Variants in PLAG1 observed in about 807,000 individuals in gnomAD.
PLAG1 encodes PLAG1 zinc finger.
PLAG1 carries 7 observed loss-of-function variants against 35.5 expected under a neutral mutation model. That is an observed-to-expected ratio of 0.20 (90% CI 0.11 to 0.37). The LOEUF (loss-of-function observed/expected upper bound fraction) is 0.37. Ranked by LOEUF, PLAG1 falls within the 10% of genes least tolerant of loss-of-function variation. The pLI is 1.00. For missense variants in PLAG1, 454 were observed against 602.8 expected (o/e 0.75, Z 2.58); for synonymous variants, 229 against 225.4 (o/e 1.02, Z -0.14).
intron 1 of PLAG1, among the ~76,000 whole-genome samples, chr8:56,192,983 T>C (rs1268122920): frequency 6.6e-6 from 1 of 152,172 alleles, no homozygotes; most frequent in Non-Finnish European, 1.5e-5. Context: ...CAAAAAAGAC[T>C]TTAAGAAATA....
In PLAG1 at chr8:56,163,801, T is replaced by A; in HGVS notation, c.*2442A>T. The stretch of plus-strand genomic sequence containing the variant: ...TAAATTAGCAGTGAATACAGCCTAC[T>A]AAGGCCAATGTCTCAGTTCACTAAT... On this transcript the variant is annotated 3_prime_UTR_variant, in exon 5 of 5. Transcript: ENST00000316981. 5.3e-6 allele frequency: 1 copy of A among 190,314 alleles called. No individual in the cohort carries two copies. 11.8% of individuals were successfully genotyped at this position (190,314 alleles called of 1,614,324 possible).
Position 56,164,260 on chromosome 8 carries a change from A to C in PLAG1, c.*1983T>G, listed in dbSNP as rs1811288755. The C allele has an allele frequency of 4.7e-6, 1 of 211,510 alleles. No homozygotes were observed. Among genetic ancestry groups the C allele is most frequent in the Non-Finnish European group, 9.6e-6 (1 of 104,118 alleles). 13.1% of individuals were successfully genotyped at this position (211,510 alleles called of 1,614,324 possible). ...AAAAAATATAGGAGCATGATAAAAT[A>C]TCAGGAGCCAAAGCTCCTTCAGAGA... On this transcript the variant is annotated 3_prime_UTR_variant, in exon 5 of 5. Coordinates refer to ENST00000316981, the MANE Select transcript of PLAG1 (RefSeq NM_002655.3).
At chr8:56,210,889 G>T (rs1006640202) in intron 1 of PLAG1, among the ~76,000 whole-genome samples, 1 of 150,912 alleles carries the variant, frequency 6.6e-6, no homozygotes, top group Non-Finnish European at 1.5e-5. Flanking sequence ...CCCCTGCCCT[G>T]TCAGAAGCGA....
At chr8:56,184,638 G>A (rs1338773970) in intron 1 of PLAG1, among the ~76,000 whole-genome samples, 1 of 152,198 alleles carries the variant, frequency 6.6e-6, no homozygotes, top group South Asian at 2.1e-4. Context: ...GGTAGCTCAT[G>A]TCTGTAATCC....
At chr8:56,201,804 ATAGG>A (rs1378163891) in intron 1 of PLAG1, among the ~76,000 whole-genome samples, 1 of 152,222 alleles carries the variant, frequency 6.6e-6, no homozygotes, top group Non-Finnish European at 1.5e-5. Context: ...GCAAAGACTG[ATAGG>A]TAGCCAAAGT....
chr8:56,179,388 A>G, intron 2 of PLAG1, 21 bp downstream of exon 2: 1 of 318,860 alleles, frequency 3.1e-6, no homozygotes, highest in Non-Finnish European at 4.5e-6. Flanking sequence ...GTCATGCCAT[A>G]TAATGATAAA....
At chr8:56,192,568 G>A (rs1304465825) in intron 1 of PLAG1, among the ~76,000 whole-genome samples, 1 of 152,170 alleles carries the variant, frequency 6.6e-6, no homozygotes, top group Non-Finnish European at 1.5e-5. Flanking sequence ...TAGTTTTATA[G>A]AAGAACATTC....
At chr8:56,173,399 G>GA (rs1361529024) in intron 2 of PLAG1, among the ~76,000 whole-genome samples, 3 of 151,982 alleles carry the variant, frequency 2.0e-5, no homozygotes, top group Admixed American at 2.0e-4. Context: ...GGACTGGTTA[G>GA]AAATTATTCT....
chr8:56,193,847 T>C (rs1396443082), intron 1 of PLAG1, among the ~76,000 whole-genome samples: 4 of 151,940 alleles, frequency 2.6e-5, no homozygotes, highest in Non-Finnish European at 5.9e-5. Flanking sequence ...TGCTATTCGG[T>C]AGCAGGTACT....
intron 2 of PLAG1, chr8:56,177,921 G>T: frequency 3.1e-6 from 1 of 323,930 alleles, no homozygotes; most frequent in Non-Finnish European, 4.4e-6. Context: ...GGCGTCACCT[G>T]CTTCGGCAGA....
chr8:56,195,562 G>GGGT (rs1241422387), intron 1 of PLAG1, among the ~76,000 whole-genome samples: 1 of 152,226 alleles, frequency 6.6e-6, no homozygotes, highest in Non-Finnish European at 1.5e-5. Context: ...GGCTGGGGTA[G>GGGT]GGTGGTGGTG....
chr8:56,188,085 G>GA (rs1812075225), intron 1 of PLAG1, among the ~76,000 whole-genome samples: 1 of 152,096 alleles, frequency 6.6e-6, no homozygotes, highest in African/African-American at 2.4e-5. Flanking sequence ...CTACATGTCA[G>GA]AAAAAAATCT....
At chr8:56,178,715 CGTCCTAGGGCTGGGG>C (rs1475196960) in intron 2 of PLAG1, among the ~76,000 whole-genome samples, 1 of 151,970 alleles carries the variant, frequency 6.6e-6, no homozygotes, top group Admixed American at 6.6e-5. Context: ...CCAGTCTCCC[CGTCCTAGGGCTGGGG>C]GTCCTGGCCT....
In PLAG1 at chr8:56,166,442, A is replaced by G. The variant is rs1267385691; in HGVS notation, c.1304T>C (p.Leu435Pro). The G allele has an allele frequency of 1.2e-6, 2 of 1,612,800 alleles. No homozygotes were observed. Among genetic ancestry groups the G allele is most frequent in the African/African-American group, 2.7e-5 (2 of 74,870 alleles). The change falls in exon 5 of 5, where the codon CTA becomes CCA. Residue 435 changes from leucine to proline, a missense_variant. Coordinates refer to ENST00000316981, the MANE Select transcript of PLAG1 (RefSeq NM_002655.3). The stretch of plus-strand genomic sequence containing the variant: ...GCTCATTCCAAGGCTCCCCACTGAT[A>G]GAGGATTATAGGGAGGACCATTTAA... ...IPLNGPPYNPLSVGSLGMSYS... is the reference protein window; with the variant it reads ...IPLNGPPYNPPSVGSLGMSYS...
At chr8:56,201,446 A>G (rs1812551200) in intron 1 of PLAG1, among the ~76,000 whole-genome samples, 1 of 152,206 alleles carries the variant, frequency 6.6e-6, no homozygotes, top group Admixed American at 6.5e-5. Flanking sequence ...CTTTAGCTTA[A>G]TAAGTTGATA....
intron 1 of PLAG1, among the ~76,000 whole-genome samples, chr8:56,192,615 T>C (rs1353477989): frequency 6.6e-6 from 1 of 152,216 alleles, no homozygotes; most frequent in African/African-American, 2.4e-5. Context: ...ATGCATTTTT[T>C]AAAATGATGG....
intron 1 of PLAG1, among the ~76,000 whole-genome samples, chr8:56,210,919 C>A (rs997883580): frequency 2.6e-5 from 4 of 151,852 alleles, no homozygotes; most frequent in Non-Finnish European, 5.9e-5. Flanking sequence ...TCCTCGCAGC[C>A]CCGCGTAATT....
At chr8:56,173,972 T>C (rs763954241) in intron 2 of PLAG1, among the ~76,000 whole-genome samples, 1 of 152,182 alleles carries the variant, frequency 6.6e-6, no homozygotes, top group Non-Finnish European at 1.5e-5. Flanking sequence ...AACAGGCCTG[T>C]ATTAAAACTG....
intron 2 of PLAG1, among the ~76,000 whole-genome samples, chr8:56,179,070 T>TAC (rs1811792564): frequency 7.5e-6 from 1 of 133,006 alleles, no homozygotes; most frequent in Non-Finnish European, 1.6e-5. Context: ...CAACATGGGA[T>TAC]ACTGTATCAC....
Sources: allele counts gnomAD v4.1 joint callset (sites outside exome capture counted in the v4.1 genomes callset), GRCh38; gene constraint gnomAD v4.1.1; transcripts MANE v1.5; gene names NCBI Gene and HGNC (gene_info 2026-07-23, HGNC 2026-07-21).